The following ADGB variants were observed in gnomAD, a reference collection of about 807,000 sequenced individuals.
The protein encoded by ADGB is calpain-7-like protein.
In ADGB, 172 loss-of-function variants were observed where a neutral mutation model predicts 210.5. The ratio of observed to expected loss-of-function variants is 0.82; its 90% CI spans 0.72 to 0.93. The LOEUF (loss-of-function observed/expected upper bound fraction) is 0.93. Among genes scored for constraint, ADGB ranks in the 40% least tolerant of loss-of-function variants. ADGB has a pLI of 0.00. For synonymous variants in ADGB, 658 were observed against 662.7 expected (o/e 0.99, Z 0.11); for missense variants, 2,025 against 1,964.8 (o/e 1.03, Z -0.58).
rs1775404350 is a variant in ADGB at position 146,635,466 on chromosome 6, A to G, written c.166A>G (p.Ile56Val). 1 of 1,548,942 alleles carries G rather than the reference A, an allele frequency of 6.5e-7. No individual in the cohort carries two copies. Among genetic ancestry groups the G allele is most frequent in the East Asian group, 2.5e-5 (1 of 40,794 alleles). ...CTGGCCAGAGTGGAGTGAAGCTGAC[A>G]TAAATTCAGAAAAGTGGGATGCAGG... is the stretch of plus-strand genomic sequence containing the variant. Reference protein sequence around the residue: ...PLWPEWSEADINSEKWDAGKG... With the variant: ...PLWPEWSEADVNSEKWDAGKG... The change falls in exon 2 of 36, where the codon ATA becomes GTA. Residue 56 changes from isoleucine to valine, a missense_variant. Physicochemically the swap from Ile to Val is conservative, Grantham distance 29. Coordinates refer to ENST00000397944, the MANE Select transcript of ADGB (RefSeq NM_024694.4).
intron 8 of ADGB, among the ~76,000 whole-genome samples, chr6:146,673,376 C>A (rs1776042446): frequency 6.6e-6 from 1 of 152,082 alleles, no homozygotes; most frequent in Non-Finnish European, 1.5e-5. Context: ...TAAGATGGAG[C>A]TGAACTTAAA....
At chr6:146,676,906 T>C (rs1776092952) in intron 9 of ADGB, among the ~76,000 whole-genome samples, 1 of 152,318 alleles carries the variant, frequency 6.6e-6, no homozygotes, top group South Asian at 2.1e-4. Context: ...ATTGTTTATA[T>C]CACAATACTG....
chr6:146,791,921 CTTTTT>C (rs66891404), intron 33 of ADGB, among the ~76,000 whole-genome samples: 58 of 112,480 alleles, frequency 5.2e-4, no homozygotes, highest in African/African-American at 1.8e-3. Context: ...CTGCACCTTG[CTTTTT>C]TTTTTTTTTT....
At chr6:146,632,889 C>T (rs536242470) in intron 1 of ADGB, among the ~76,000 whole-genome samples, 1 of 152,112 alleles carries the variant, frequency 6.6e-6, no homozygotes. Flanking sequence ...CTTGCTCAAT[C>T]TATACCAGCT....
At chr6:146,725,748 T>G (rs533015273) in intron 18 of ADGB, 2 of 186,798 alleles carry the variant, frequency 1.1e-5, no homozygotes, top group South Asian at 3.4e-4. Flanking sequence ...GCCCTATACC[T>G]GCTTGAGTTT....
chr6:146,740,435 C>A lies in ADGB; in HGVS notation c.2889-24C>A, dbSNP rs575088593. 4.3e-5 allele frequency: 64 copies of A among 1,496,900 alleles called. No homozygotes were observed. The South Asian group carries it at 7.9e-4, about 18-fold the overall frequency. The allele number at this position is 1,496,900 out of a possible 1,614,324, so 92.7% of individuals were successfully genotyped here. A position where few individuals can be genotyped will look rare whatever the true frequency, so the allele number is the denominator to read the frequency against. On this transcript the variant is annotated intron_variant, in intron 23 of 35. Transcript: ENST00000397944. Reference sequence around the variant, plus strand: ...TTTAAAGTGGCTTTTGCCATTGATACATAATTTATTTTTATATTTCTAGAC... The same window carrying A: ...TTTAAAGTGGCTTTTGCCATTGATAAATAATTTATTTTTATATTTCTAGAC...
At chr6:146,736,010 T>C (rs181932507) in intron 22 of ADGB, among the ~76,000 whole-genome samples, 2 of 152,338 alleles carry the variant, frequency 1.3e-5, no homozygotes, top group East Asian at 1.9e-4. Flanking sequence ...AAAAGAATGT[T>C]AGTTTCTGAT....
At chr6:146,779,962 AT>A (rs1027419722) in intron 29 of ADGB, among the ~76,000 whole-genome samples, 18 of 149,976 alleles carry the variant, frequency 1.2e-4, no homozygotes, top group Admixed American at 4.7e-4. Context: ...ATATAAATGT[AT>A]TTTTTTTTGC....
Position 146,746,105 on chromosome 6 carries a change from T to C in ADGB, c.3361T>C (p.Phe1121Leu). 1 of 1,537,398 alleles carries C rather than the reference T, an allele frequency of 6.5e-7. No individual in the cohort carries two copies. Among genetic ancestry groups the C allele is most frequent in the Non-Finnish European group, 8.8e-7 (1 of 1,138,150 alleles). ...YYIPNDKKIL[F>L]RYSVKVLTPQ... ...CATACCCAATGATAAGAAAATTTTA[T>C]TCAGGTACAAGTAAATGACAGAAGG... The change falls in exon 26 of 36, where the codon TTC becomes CTC. Residue 1121 changes from phenylalanine to leucine, a missense_variant. By Grantham distance (22) the Phe-to-Leu change is conservative. Transcript: ENST00000397944.
intron 2 of ADGB, among the ~76,000 whole-genome samples, chr6:146,636,190 C>T (rs1388146624): frequency 6.6e-6 from 1 of 151,936 alleles, no homozygotes; most frequent in Admixed American, 6.6e-5. Flanking sequence ...AAAATATGAC[C>T]TATTTATTGG....
At position 146,807,219 on chromosome 6, in the gene ADGB, C is replaced by G. The variant is rs1229877014; in HGVS notation, c.4818+5208C>G. Among the ~76,000 whole-genome samples, 12 of 151,866 alleles carry G rather than the reference C, an allele frequency of 7.9e-5. No homozygotes were observed. In the East Asian group the frequency reaches 1.7e-3, roughly 22 times the overall value. On this transcript the variant is annotated intron_variant, in intron 35 of 35. Coordinates refer to ENST00000397944, the MANE Select transcript of ADGB (RefSeq NM_024694.4). ...CGTACTGTGTTAAAATCTCATGAAC[C>G]CTTTGTTGCTATGTTTTGTGTATTG... is the stretch of plus-strand genomic sequence containing the variant.
chr6:146,713,749 TA>T (rs1194750009), intron 13 of ADGB, among the ~76,000 whole-genome samples: 1 of 152,120 alleles, frequency 6.6e-6, no homozygotes, highest in Non-Finnish European at 1.5e-5. Context: ...TCTTTTTTTT[TA>T]TTTTGATGCT....
At chr6:146,742,024 T>C (rs888004327) in intron 25 of ADGB, among the ~76,000 whole-genome samples, 1 of 152,210 alleles carries the variant, frequency 6.6e-6, no homozygotes, top group South Asian at 2.1e-4. Context: ...CCTATGATTC[T>C]ATACATTATT....
chr6:146,606,848 T>A (rs976556153), intron 1 of ADGB, among the ~76,000 whole-genome samples: 4 of 152,160 alleles, frequency 2.6e-5, no homozygotes, highest in African/African-American at 9.7e-5. Context: ...GCCTCCAGCT[T>A]TGTTCTTTTT....
chr6:146,624,425 T>G (rs1780943553), intron 1 of ADGB, among the ~76,000 whole-genome samples: 2 of 151,886 alleles, frequency 1.3e-5, no homozygotes, highest in African/African-American at 4.8e-5. Flanking sequence ...TGATGTCTTC[T>G]CTTTGATTTC....
intron 2 of ADGB, among the ~76,000 whole-genome samples, chr6:146,638,024 A>G (rs1775449888): frequency 6.6e-6 from 1 of 152,076 alleles, no homozygotes; most frequent in Non-Finnish European, 1.5e-5. Flanking sequence ...CAGCACATCA[A>G]AAAGCTAATC....
chr6:146,616,416 T>G (rs895500695), intron 1 of ADGB, among the ~76,000 whole-genome samples: 1 of 152,134 alleles, frequency 6.6e-6, no homozygotes, highest in Non-Finnish European at 1.5e-5. Flanking sequence ...GTGCAGCAGC[T>G]TTTTATCTTG....
chr6:146,795,300 A>G (rs1311750510), intron 33 of ADGB, among the ~76,000 whole-genome samples: 1 of 152,196 alleles, frequency 6.6e-6, no homozygotes, highest in Non-Finnish European at 1.5e-5. Flanking sequence ...GCAAAAATTA[A>G]CAAGTAGAAT....
At chr6:146,727,094 A>G (rs929778948) in intron 19 of ADGB, among the ~76,000 whole-genome samples, 1 of 151,894 alleles carries the variant, frequency 6.6e-6, no homozygotes, top group Non-Finnish European at 1.5e-5. Flanking sequence ...TGTCCTTTGT[A>G]CACATGCATT....
Sources: allele counts gnomAD v4.1 joint callset (sites outside exome capture counted in the v4.1 genomes callset), GRCh38; gene constraint gnomAD v4.1.1; transcripts MANE v1.5; gene names NCBI Gene and HGNC (gene_info 2026-07-23, HGNC 2026-07-21).